TMC1: variants seen among roughly 807,000 people sequenced by gnomAD.
TMC1 encodes transmembrane channel like 1.
In TMC1, 84 loss-of-function variants were observed where a neutral mutation model predicts 105.8. The observed-to-expected ratio is 0.79, with a 90% CI of 0.67 to 0.95. The LOEUF is 0.95. Ranked by LOEUF, TMC1 falls within the 40% of genes least tolerant of loss-of-function variation. TMC1 has a pLI of 0.00. For synonymous variants in TMC1, 315 were observed against 311.5 expected, an observed-to-expected ratio of 1.01 and a Z score of -0.12; for missense variants, 817 against 914.1, an observed-to-expected ratio of 0.89 and a Z score of 1.37.
chr9:72,568,664 A>AT (rs981846970), intron 1 of TMC1, among the ~76,000 whole-genome samples: 1 of 115,570 alleles, frequency 8.7e-6, no homozygotes, highest in Non-Finnish European at 2.2e-5. Context: ...AAATTTGTTT[A>AT]TTTTTTTCAT....
Position 72,523,346 on chromosome 9 carries a change from C to T in TMC1, c.-428+1433C>T, listed in dbSNP as rs145361481. 4.3e-3 allele frequency among the ~76,000 whole-genome samples: 658 copies of T among 152,154 alleles called. 5 individuals are homozygous for T. Among genetic ancestry groups the T allele is most frequent in the African/African-American group, 0.015 (633 of 41,504 alleles). ...TGGGGTTTAGGGATGCCGACCCTTGCGTAGTCAAAAATCTGAGCTTAACTT... is the reference window on the plus strand; with the variant it reads ...TGGGGTTTAGGGATGCCGACCCTTGTGTAGTCAAAAATCTGAGCTTAACTT... On this transcript the variant is annotated intron_variant, in intron 1 of 23. Transcript: ENST00000297784.
At position 72,593,676 on chromosome 9, in the gene TMC1, G is replaced by A. The variant is rs185479993; in HGVS notation, c.-306+15653G>A. Among the ~76,000 whole-genome samples, 12 of 151,132 alleles carry A rather than the reference G, an allele frequency of 7.9e-5. No homozygotes were observed. In the East Asian group the frequency reaches 2.3e-3, roughly 29 times the overall value. On this transcript the variant is annotated intron_variant, in intron 2 of 23. Coordinates refer to ENST00000297784, the MANE Select transcript of TMC1 (RefSeq NM_138691.3). ...CAAAGTGCTGGGATTACAGGCATGA[G>A]CCCCCGTGCCCAGCCCCAAGACCCC... is the stretch of plus-strand genomic sequence containing the variant.
rs79091207 is a variant in TMC1, at chr9:72,718,991, C to A, written c.362+18348C>A. The stretch of plus-strand genomic sequence containing the variant: ...CAGGTTGTCAGGAAAGTGGAGAAAG[C>A]TGATAGCCTCACCCAGCTCCCATGC... On this transcript the variant is annotated intron_variant, in intron 8 of 23. Transcript: ENST00000297784. 1.2e-3 allele frequency among the ~76,000 whole-genome samples: 189 copies of A among 152,232 alleles called. 1 individual carries two copies. Among genetic ancestry groups the A allele is most frequent in the African/African-American group, 4.4e-3 (181 of 41,544 alleles).
At chr9:72,804,229 G>A (rs1293935037) in intron 17 of TMC1, among the ~76,000 whole-genome samples, 1 of 152,106 alleles carries the variant, frequency 6.6e-6, no homozygotes, top group Non-Finnish European at 1.5e-5. Context: ...CTGGAGCCTG[G>A]TCGGGGGTAA....
At chr9:72,583,255 C>G (rs1262137359) in intron 2 of TMC1, among the ~76,000 whole-genome samples, 1 of 151,822 alleles carries the variant, frequency 6.6e-6, no homozygotes, top group Non-Finnish European at 1.5e-5. Flanking sequence ...ACAACCCCTT[C>G]CCCTCCACGA....
At chr9:72,787,438 C>T (rs1480999485) in intron 13 of TMC1, among the ~76,000 whole-genome samples, 2 of 151,974 alleles carry the variant, frequency 1.3e-5, no homozygotes, top group Non-Finnish European at 2.9e-5. Context: ...GTCATTGTGC[C>T]CCTTTCTTCT....
intron 1 of TMC1, among the ~76,000 whole-genome samples, chr9:72,536,784 A>C (rs918261997): frequency 1.3e-5 from 2 of 152,178 alleles, no homozygotes; most frequent in Admixed American, 1.3e-4. Context: ...TCACAGATTG[A>C]AGCCCAATGC....
At chr9:72,818,129 A>G (rs921745934) in intron 19 of TMC1, among the ~76,000 whole-genome samples, 2 of 152,148 alleles carry the variant, frequency 1.3e-5, no homozygotes, top group South Asian at 2.1e-4. Context: ...CTCACACACA[A>G]TCGTTCCATT....
intron 2 of TMC1, among the ~76,000 whole-genome samples, chr9:72,612,905 C>T (rs949196567): frequency 6.6e-6 from 1 of 151,988 alleles, no homozygotes; most frequent in Non-Finnish European, 1.5e-5. Flanking sequence ...ATTACCCTGC[C>T]CAAAATATCA....
chr9:72,584,692 T>A (rs551680938), intron 2 of TMC1, among the ~76,000 whole-genome samples: 1 of 152,204 alleles, frequency 6.6e-6, no homozygotes, highest in South Asian at 2.1e-4. Context: ...CGAGTAGAAT[T>A]TTTTTAAGGG....
Position 72,742,726 on chromosome 9 carries a change from A to G in TMC1, c.535+201A>G, listed in dbSNP as rs2793171. On this transcript the variant is annotated intron_variant, in intron 10 of 23. Transcript: ENST00000297784. ...TTTGCTAGCACTTACCAAGGACAAT[A>G]CTGGGGACCCCACTCTCGTGTTCTA... Among the ~76,000 whole-genome samples the G allele has an allele frequency of 0.23, 34,363 of 151,986 alleles. 4,137 individuals are homozygous for G. Among genetic ancestry groups the G allele is most frequent in the East Asian group, 0.38 (1,969 of 5,140 alleles).
Position 72,742,574 on chromosome 9 carries a change from T to C in TMC1, c.535+49T>C, listed in dbSNP as rs758448441. On this transcript the variant is annotated intron_variant, in intron 10 of 23. Coordinates refer to ENST00000297784, the MANE Select transcript of TMC1 (RefSeq NM_138691.3). ...TGGAGAAGGTTGTCTTAGAGAAGTA[T>C]CTCATAAGCTTATCAGATGCCTTTG... is the stretch of plus-strand genomic sequence containing the variant. The C allele has an allele frequency of 2.7e-6, 4 of 1,458,080 alleles. No homozygotes were observed. In the East Asian group the frequency reaches 9.1e-5, roughly 33 times the overall value. The allele number at this position is 1,458,080 out of a possible 1,614,324, so 90.3% of individuals were successfully genotyped here.
At chr9:72,719,835 A>G (rs1826991910) in intron 8 of TMC1, among the ~76,000 whole-genome samples, 1 of 152,178 alleles carries the variant, frequency 6.6e-6, no homozygotes, top group African/African-American at 2.4e-5. Context: ...TCATCTGCAG[A>G]ATGGAGAGTA....
At chr9:72,532,972 TC>T (rs1476660814) in intron 1 of TMC1, among the ~76,000 whole-genome samples, 5 of 152,330 alleles carry the variant, frequency 3.3e-5, no homozygotes, top group Admixed American at 1.3e-4. Context: ...GGATCCTGTT[TC>T]AGTGACAAAC....
At chr9:72,795,619 A>T (rs2118206790) in intron 17 of TMC1, among the ~76,000 whole-genome samples, 1 of 152,312 alleles carries the variant, frequency 6.6e-6, no homozygotes, top group African/African-American at 2.4e-5. Flanking sequence ...TTACCACCAG[A>T]CCTGCTTTAC....
chr9:72,710,275 T>C (rs1423643041), intron 8 of TMC1, among the ~76,000 whole-genome samples: 1 of 152,210 alleles, frequency 6.6e-6, no homozygotes, highest in African/African-American at 2.4e-5. Context: ...ATATGGTTTA[T>C]CTTGGAGAAA....
At chr9:72,652,948 A>T (rs1313773314) in intron 5 of TMC1, among the ~76,000 whole-genome samples, 1 of 152,244 alleles carries the variant, frequency 6.6e-6, no homozygotes, top group Admixed American at 6.5e-5. Flanking sequence ...CAATACAAAG[A>T]TAAGCCTTGT....
At chr9:72,551,406 C>T (rs1312802761) in intron 1 of TMC1, among the ~76,000 whole-genome samples, 1 of 152,142 alleles carries the variant, frequency 6.6e-6, no homozygotes, top group East Asian at 1.9e-4. Context: ...CAAAACAAAG[C>T]ACCCCTATGC....
intron 8 of TMC1, among the ~76,000 whole-genome samples, chr9:72,728,694 T>C (rs1827161258): frequency 6.6e-6 from 1 of 152,002 alleles, no homozygotes; most frequent in Admixed American, 6.6e-5. Context: ...GAAAACACAG[T>C]TTGTGCTGTG....
Sources: gnomAD v4.1 joint callset for allele counts (sites outside exome capture counted in the v4.1 genomes callset) on GRCh38, gnomAD v4.1.1 for gene constraint, MANE v1.5 for transcripts, NCBI Gene and HGNC (gene_info 2026-07-23, HGNC 2026-07-21) for gene names.